CREB5: variants seen among roughly 807,000 people sequenced by gnomAD.
CREB5 encodes cAMP responsive element binding protein 5.
A neutral mutation model predicts 57.1 loss-of-function variants in CREB5; 19 were observed. The ratio of observed to expected loss-of-function variants is 0.33; its 90% confidence interval spans 0.23 to 0.49. The LOEUF (loss-of-function observed/expected upper bound fraction) is 0.49, where lower values mean the gene tolerates loss of function less well. Among genes scored for constraint, CREB5 ranks in the 20% least tolerant of loss-of-function variants. CREB5 has a pLI of 0.99. For synonymous variants in CREB5, 238 were observed against 238.3 expected, an observed-to-expected ratio of 1.00 and a Z score of 0.01; for missense variants, 579 against 671.6, an observed-to-expected ratio of 0.86 and a Z score of 1.52.
At chr7:28,510,423 G>A (rs907913445) in intron 4 of CREB5, among the ~76,000 whole-genome samples, 1 of 152,128 alleles carries the variant, frequency 6.6e-6, no homozygotes, top group Non-Finnish European at 1.5e-5. Context: ...AGTGGAAGAT[G>A]GATTAATTTA....
intron 5 of CREB5, among the ~76,000 whole-genome samples, chr7:28,601,559 A>G (rs1419274972): frequency 6.6e-6 from 1 of 152,150 alleles, no homozygotes; most frequent in Non-Finnish European, 1.5e-5. Flanking sequence ...ATTTCAAAAG[A>G]TATTTGTAAT....
At chr7:28,714,589 C>T (rs537860043) in intron 5 of CREB5, among the ~76,000 whole-genome samples, 3 of 152,246 alleles carry the variant, frequency 2.0e-5, no homozygotes, top group South Asian at 2.1e-4. Flanking sequence ...AAACATCCTT[C>T]GGGGGGAAAA....
At chr7:28,320,346 G>A (rs1785474783) in intron 1 of CREB5, among the ~76,000 whole-genome samples, 1 of 152,110 alleles carries the variant, frequency 6.6e-6, no homozygotes, top group Non-Finnish European at 1.5e-5. Flanking sequence ...TTCCATTACA[G>A]GGAATCTAGG....
intron 4 of CREB5, among the ~76,000 whole-genome samples, chr7:28,517,937 C>A (rs982246703): frequency 1.3e-5 from 2 of 152,122 alleles, no homozygotes; most frequent in African/African-American, 2.4e-5. Flanking sequence ...TTGCTGCTGG[C>A]AGGATGAGAC....
chr7:28,362,252 G>T (rs1287909703), intron 1 of CREB5, among the ~76,000 whole-genome samples: 1 of 152,090 alleles, frequency 6.6e-6, no homozygotes, highest in Non-Finnish European at 1.5e-5. Context: ...CCAAGCAATG[G>T]CACTGGCTAG....
intron 1 of CREB5, among the ~76,000 whole-genome samples, chr7:28,466,751 T>C (rs1790591986): frequency 6.6e-6 from 1 of 152,186 alleles, no homozygotes; most frequent in Non-Finnish European, 1.5e-5. Context: ...TTGACTCCTC[T>C]GTGGAGCCTG....
intron 5 of CREB5, among the ~76,000 whole-genome samples, chr7:28,633,262 T>G (rs1798273970): frequency 6.6e-6 from 1 of 152,208 alleles, no homozygotes; most frequent in African/African-American, 2.4e-5. Context: ...GGATGCGTTT[T>G]TGTTCCAAAA....
chr7:28,687,760 C>G (rs1801023813), intron 5 of CREB5, among the ~76,000 whole-genome samples: 1 of 151,920 alleles, frequency 6.6e-6, no homozygotes, highest in Non-Finnish European at 1.5e-5. Context: ...CTCTTTCCTC[C>G]TTTTTTGGGC....
At chr7:28,320,357 G>A (rs1168924127) in intron 1 of CREB5, among the ~76,000 whole-genome samples, 1 of 152,038 alleles carries the variant, frequency 6.6e-6, no homozygotes, top group Non-Finnish European at 1.5e-5. Context: ...GGAATCTAGG[G>A]GCCGTTCAAT....
rs528167661 is a variant in CREB5, at chr7:28,727,470, G to GACA, written c.702+3138_702+3139insACA. On this transcript the variant is annotated intron_variant, in intron 7 of 10. Coordinates refer to ENST00000357727, the MANE Select transcript of CREB5 (RefSeq NM_182898.4). Reference sequence around the variant, plus strand: ...AAGGGGAAAAGGAGGAAAGGAAGGGGTAGGGGAAATGCAAACCATCCCGGG... The same window carrying GACA: ...AAGGGGAAAAGGAGGAAAGGAAGGGGACATAGGGGAAATGCAAACCATCCCGGG... Among the ~76,000 whole-genome samples the GACA allele has an allele frequency of 4.0e-4, 61 of 152,276 alleles. No homozygotes were observed. In the East Asian group the frequency reaches 0.01, roughly 26 times the overall value.
chr7:28,666,087 T>C (rs1464544312), intron 5 of CREB5, among the ~76,000 whole-genome samples: 1 of 152,186 alleles, frequency 6.6e-6, no homozygotes, highest in African/African-American at 2.4e-5. Flanking sequence ...TCTGTGAATG[T>C]TGAGTTATAA....
chr7:28,323,375 C>G (rs1340156308), intron 1 of CREB5, among the ~76,000 whole-genome samples: 1 of 152,184 alleles, frequency 6.6e-6, no homozygotes, highest in African/African-American at 2.4e-5. Context: ...TCTCCTCTTC[C>G]CTTCCTCCGT....
rs531889137 is a variant in CREB5, at chr7:28,815,844, A to T, written c.1255-2227A>T. ...AAGAGAACCCAGTTTTGTTTTTAAT[A>T]CTTTTCTTGTTTGTTTTCTAGGTAG... On this transcript the variant is annotated intron_variant, in intron 9 of 10. Coordinates refer to ENST00000357727, the MANE Select transcript of CREB5 (RefSeq NM_182898.4). Among the ~76,000 whole-genome samples, 3 of 152,240 alleles carry T rather than the reference A, an allele frequency of 2.0e-5. No homozygotes were observed. In the East Asian group the frequency reaches 5.8e-4, roughly 29 times the overall value.
At chr7:28,660,031 G>A (rs1028342155) in intron 5 of CREB5, among the ~76,000 whole-genome samples, 1 of 152,162 alleles carries the variant, frequency 6.6e-6, no homozygotes, top group African/African-American at 2.4e-5. Flanking sequence ...CAATATTGAA[G>A]AGCAGCAGTG....
At chr7:28,356,242 G>A (rs567779717) in intron 1 of CREB5, among the ~76,000 whole-genome samples, 2 of 152,298 alleles carry the variant, frequency 1.3e-5, no homozygotes, top group South Asian at 2.1e-4. Flanking sequence ...ATGGCAATTG[G>A]CTCTTGGAGT....
chr7:28,729,358 CT>C (rs1474532168), intron 7 of CREB5, among the ~76,000 whole-genome samples: 1 of 152,198 alleles, frequency 6.6e-6, no homozygotes, highest in Non-Finnish European at 1.5e-5. Flanking sequence ...ACTAACAGTG[CT>C]TCTGTCGGCT....
chr7:28,645,229 C>T (rs1798844475), intron 5 of CREB5, among the ~76,000 whole-genome samples: 1 of 152,216 alleles, frequency 6.6e-6, no homozygotes, highest in Non-Finnish European at 1.5e-5. Flanking sequence ...CTGTGGGTCC[C>T]TTTATATGAT....
At chr7:28,554,622 G>C (rs1350466001) in intron 4 of CREB5, among the ~76,000 whole-genome samples, 1 of 152,150 alleles carries the variant, frequency 6.6e-6, no homozygotes, top group Non-Finnish European at 1.5e-5. Flanking sequence ...CATATTAAAA[G>C]TGTAACTCTA....
intron 7 of CREB5, among the ~76,000 whole-genome samples, chr7:28,785,203 A>C (rs1245515125): frequency 6.6e-6 from 1 of 152,196 alleles, no homozygotes; most frequent in Non-Finnish European, 1.5e-5. Flanking sequence ...TGTGGTGTGG[A>C]GACCTCCCAG....
Sources: allele counts gnomAD v4.1 joint callset (sites outside exome capture counted in the v4.1 genomes callset), GRCh38; gene constraint gnomAD v4.1.1; transcripts MANE v1.5; gene names NCBI Gene and HGNC (gene_info 2026-07-23, HGNC 2026-07-21).